Variants in TRIM44 observed in about 807,000 individuals in gnomAD.
TRIM44 encodes tripartite motif containing 44, also known as tripartite motif-containing protein 44.
In TRIM44, 13 loss-of-function variants were observed where a neutral mutation model predicts 37.4. That is an observed-to-expected ratio of 0.35 (90% CI 0.23 to 0.55). TRIM44 has a LOEUF of 0.55. Among genes scored for constraint, TRIM44 ranks in the 20% least tolerant of loss-of-function variants. The probability of loss-of-function intolerance (pLI) is 0.89; values close to 1 mark genes in which losing one functional copy is unlikely to be tolerated. For missense variants in TRIM44, 426 were observed against 437.2 expected (o/e 0.97, Z 0.23); for synonymous variants, 175 against 157.2 (o/e 1.11, Z -0.85).
intron 2 of TRIM44, among the ~76,000 whole-genome samples, chr11:35,715,693 A>T (rs1852031878): frequency 2.6e-5 from 4 of 152,120 alleles, no homozygotes; most frequent in Admixed American, 2.6e-4. Context: ...GAACTACCTG[A>T]GACTGGGTAA....
chr11:35,702,659 C>G (rs1851806848), intron 2 of TRIM44, among the ~76,000 whole-genome samples: 1 of 152,172 alleles, frequency 6.6e-6, no homozygotes, highest in South Asian at 2.1e-4. Context: ...AAATTTTGCA[C>G]ATAGTTTGTG....
chr11:35,811,322 A>C lies in TRIM44; in HGVS notation c.*4937A>C, dbSNP rs1015929851. ...AGATTACATTTTATGAGCAACTTAGATTATAACCTAAAGAATACTTGGTGC... is the reference window on the plus strand; with the variant it reads ...AGATTACATTTTATGAGCAACTTAGCTTATAACCTAAAGAATACTTGGTGC... On this transcript the variant is annotated 3_prime_UTR_variant, in exon 5 of 5. Transcript: ENST00000299413. 1 of 152,226 alleles carries C rather than the reference A, an allele frequency of 6.6e-6. No individual in the cohort carries two copies. Among genetic ancestry groups the C allele is most frequent in the African/African-American group, 2.4e-5 (1 of 41,452 alleles). 9.4% of individuals were successfully genotyped at this position (152,226 alleles called of 1,614,324 possible).
rs1240234511 is a variant in TRIM44, at chr11:35,744,242, CA to C, written c.1007+8805del. Among the ~76,000 whole-genome samples the C allele has an allele frequency of 4.6e-5, 7 of 151,660 alleles. No individual in the cohort carries two copies. The East Asian group carries it at 1.2e-3, about 25-fold the overall frequency. ...TTTTAACTGGAATTTATATAAACAA[CA>C]AAAAAAATTAGTATGAGTATGTGCT... is the stretch of plus-strand genomic sequence containing the variant. On this transcript the variant is annotated intron_variant, in intron 4 of 4. Transcript: ENST00000299413.
At chr11:35,684,092 C>A (rs1851548415) in intron 1 of TRIM44, among the ~76,000 whole-genome samples, 1 of 152,080 alleles carries the variant, frequency 6.6e-6, no homozygotes, top group Non-Finnish European at 1.5e-5. Flanking sequence ...TGCCTAAGGT[C>A]ACACAGCTAG....
intron 2 of TRIM44, among the ~76,000 whole-genome samples, chr11:35,720,597 G>C (rs954549944): frequency 6.6e-6 from 1 of 152,142 alleles, no homozygotes; most frequent in African/African-American, 2.4e-5. Flanking sequence ...GGTGAGAGGG[G>C]ACATCCTTGC....
rs183842380 is a variant in TRIM44, at chr11:35,700,330, A to C, written c.747+14994A>C. On this transcript the variant is annotated intron_variant, in intron 2 of 4. Coordinates refer to ENST00000299413, the MANE Select transcript of TRIM44 (RefSeq NM_017583.6). Reference sequence around the variant, plus strand: ...TTTTTTTTACAAGATTAATTTTTACAAGCCTTCCACAACTTGTTCAAACCT... The same window carrying C: ...TTTTTTTTACAAGATTAATTTTTACCAGCCTTCCACAACTTGTTCAAACCT... Among the ~76,000 whole-genome samples, 282 of 152,330 alleles carry C rather than the reference A, an allele frequency of 1.9e-3. 2 individuals carry two copies. Among genetic ancestry groups the C allele is most frequent in the African/African-American group, 6.5e-3 (271 of 41,578 alleles).
chr11:35,663,200 A>C lies in TRIM44; in HGVS notation c.89A>C (p.Glu30Ala), dbSNP rs759972933. ...ECEPDEAPGA[E>A]EVCRECGFCY... ...GAGCCCGACGAGGCTCCGGGGGCCG[A>C]GGAAGTGTGCCGAGAATGCGGCTTC... The change falls in exon 1 of 5, where the codon GAG becomes GCG. Residue 30 changes from glutamate (E) to alanine (A), a missense_variant. Glu to Ala is a moderately radical substitution (Grantham distance 107, BLOSUM62 -1). This residue lies in a region of TRIM44 where 331 missense variants were observed against 303.0 expected (regional missense o/e 1.09). Coordinates refer to ENST00000299413, the MANE Select transcript of TRIM44 (RefSeq NM_017583.6). 5 of 1,596,886 alleles carry C rather than the reference A, an allele frequency of 3.1e-6. No individual in the cohort carries two copies. Among genetic ancestry groups the C allele is most frequent in the Non-Finnish European group, 4.3e-6 (5 of 1,170,798 alleles).
At chr11:35,785,934 A>G (rs1853126309) in intron 4 of TRIM44, among the ~76,000 whole-genome samples, 1 of 152,210 alleles carries the variant, frequency 6.6e-6, no homozygotes, top group Non-Finnish European at 1.5e-5. Context: ...CCCAAAGAGA[A>G]TGTGGCACTT....
chr11:35,663,686 A>C lies in TRIM44; in HGVS notation c.575A>C (p.Glu192Ala). 6.2e-7 allele frequency: 1 copy of C among 1,614,140 alleles called. No homozygotes were observed. Among genetic ancestry groups the C allele is most frequent in the Non-Finnish European group, 8.5e-7 (1 of 1,180,028 alleles). ...CTTGATTTGAGTACCTATTGCCAGGAAGATAGGCAGCTCATCTGTGTCCTG... is the reference window on the plus strand; with the variant it reads ...CTTGATTTGAGTACCTATTGCCAGGCAGATAGGCAGCTCATCTGTGTCCTG... Reference protein sequence around the residue: ...HGLDLSTYCQEDRQLICVLCP... With the variant: ...HGLDLSTYCQADRQLICVLCP... The change falls in exon 1 of 5, where the codon GAA becomes GCA. Residue 192 changes from glutamate to alanine, a missense_variant. By Grantham distance (107) the Glu-to-Ala change is moderately radical (BLOSUM62 -1). This residue lies in a region of TRIM44 where 331 missense variants were observed against 303.0 expected (regional missense o/e 1.09). Coordinates refer to ENST00000299413, the MANE Select transcript of TRIM44 (RefSeq NM_017583.6).
rs554434363 is a variant in TRIM44, at chr11:35,811,413, G to T, written c.*5028G>T. 7.9e-5 allele frequency: 12 copies of T among 151,724 alleles called. No individual in the cohort carries two copies. Among genetic ancestry groups the T allele is most frequent in the Non-Finnish European group, 1.6e-4 (11 of 67,992 alleles). 9.4% of individuals were successfully genotyped at this position (151,724 alleles called of 1,614,324 possible). A position where few individuals can be genotyped will look rare whatever the true frequency, so the allele number is the denominator to read the frequency against. ...GATGAACTAGAAGGAAGGTAAAATT[G>T]TAATTTTTGCCATATTTTCTAGAAA... is the stretch of plus-strand genomic sequence containing the variant. On this transcript the variant is annotated 3_prime_UTR_variant, in exon 5 of 5. Coordinates refer to ENST00000299413, the MANE Select transcript of TRIM44 (RefSeq NM_017583.6).
chr11:35,676,800 G>C (rs185896918), intron 1 of TRIM44, among the ~76,000 whole-genome samples: 5 of 152,268 alleles, frequency 3.3e-5, no homozygotes, highest in Non-Finnish European at 5.9e-5. Context: ...GGTAGACTCT[G>C]ACTTCATGTG....
At position 35,814,326 on chromosome 11, in the gene TRIM44, T is replaced by C. The variant is rs1339296929; in HGVS notation, c.*7941T>C. 6.6e-6 allele frequency: 1 copy of C among 152,206 alleles called. No individual in the cohort carries two copies. The highest frequency in any genetic ancestry group is 1.5e-5 in the Non-Finnish European group (1 of 68,030). The allele number at this position is 152,206 out of a possible 1,614,324, so 9.4% of individuals were successfully genotyped here. A position where few individuals can be genotyped will look rare whatever the true frequency, so the allele number is the denominator to read the frequency against. On this transcript the variant is annotated 3_prime_UTR_variant, in exon 5 of 5. Transcript: ENST00000299413. ...AAATAATTCAGAAGCAAAAGACACA[T>C]GAAGTTATGTGGCAGTTCCTCACTA...
At chr11:35,741,403 T>A (rs1178718075) in intron 4 of TRIM44, among the ~76,000 whole-genome samples, 1 of 152,088 alleles carries the variant, frequency 6.6e-6, no homozygotes, top group African/African-American at 2.4e-5. Context: ...CCCGTAAGAG[T>A]CACAACTTTA....
chr11:35,754,693 C>G (rs991252713), intron 4 of TRIM44, among the ~76,000 whole-genome samples: 2 of 145,846 alleles, frequency 1.4e-5, no homozygotes, highest in Middle Eastern at 3.6e-3. Flanking sequence ...TGTGATGGTC[C>G]CCTTCCTGTG....
At chr11:35,805,637 A>G (rs1853437163) in intron 4 of TRIM44, among the ~76,000 whole-genome samples, 1 of 152,148 alleles carries the variant, frequency 6.6e-6, no homozygotes, top group Non-Finnish European at 1.5e-5. Context: ...TTAAAAACCA[A>G]TTATTTATTG....
intron 2 of TRIM44, among the ~76,000 whole-genome samples, chr11:35,717,393 T>C (rs1453158721): frequency 6.6e-6 from 1 of 152,158 alleles, no homozygotes; most frequent in Non-Finnish European, 1.5e-5. Flanking sequence ...TATGTTACTT[T>C]TTTTTTAAAG....
chr11:35,804,071 C>G (rs775950460), intron 4 of TRIM44, among the ~76,000 whole-genome samples: 2 of 152,048 alleles, frequency 1.3e-5, no homozygotes, highest in African/African-American at 4.8e-5. Flanking sequence ...GGGCAACTCC[C>G]GTGTTCATCT....
intron 4 of TRIM44, among the ~76,000 whole-genome samples, chr11:35,790,839 A>G: frequency 6.6e-6 from 1 of 152,210 alleles, no homozygotes; most frequent in East Asian, 1.9e-4. Context: ...AGGGAAACTC[A>G]TAACAAGAAC....
chr11:35,792,167 A>C (rs1853224686), intron 4 of TRIM44, among the ~76,000 whole-genome samples: 1 of 150,516 alleles, frequency 6.6e-6, no homozygotes, highest in African/African-American at 2.5e-5. Flanking sequence ...CATATCCACT[A>C]TCTGAAATTA....
Sources: gnomAD v4.1 joint callset for allele counts (sites outside exome capture counted in the v4.1 genomes callset) on GRCh38, gnomAD v4.1.1 for gene constraint, gnomAD v4.1.1 regional missense constraint, MANE v1.5 for transcripts, NCBI Gene and HGNC (gene_info 2026-07-23, HGNC 2026-07-21) for gene names.